Variants in MAPK9 observed in about 807,000 individuals in gnomAD.
MAPK9 encodes the protein Jun kinase.
Under a neutral mutation model 57.1 loss-of-function variants are expected in MAPK9, and 30 were observed. The ratio of observed to expected loss-of-function variants is 0.53; its 90% CI spans 0.39 to 0.71. The LOEUF (loss-of-function observed/expected upper bound fraction) is 0.71. Among genes scored for constraint, MAPK9 ranks in the 30% least tolerant of loss-of-function variants. MAPK9 has a pLI of 0.00. For synonymous variants in MAPK9, 155 were observed against 177.0 expected (o/e 0.88, Z 0.99); for missense variants, 362 against 521.0 (o/e 0.69, Z 2.97).
intron 5 of MAPK9, chr5:180,257,835 A>T (rs1345672490): frequency 5.8e-6 from 1 of 172,678 alleles, no homozygotes; most frequent in Non-Finnish European, 1.3e-5. Context: ...TGAAGAAGAA[A>T]ATTTCTGCTG....
chr5:180,235,733 T>C lies in MAPK9; in HGVS notation c.*651A>G, dbSNP rs572739615. 1.3e-5 allele frequency: 2 copies of C among 152,344 alleles called. No homozygotes were observed. The highest frequency in any genetic ancestry group is 3.9e-4 in the East Asian group (2 of 5,188). The allele number at this position is 152,344 out of a possible 1,614,324, so 9.4% of individuals were successfully genotyped here. ...AGAAAACAAGATGTCCACATAAGTG[T>C]CTTGGTTTTAGCCGTGATAATTCTC... On this transcript the variant is annotated 3_prime_UTR_variant, in exon 12 of 12. Coordinates refer to ENST00000452135, the MANE Select transcript of MAPK9 (RefSeq NM_002752.5).
intron 5 of MAPK9, among the ~76,000 whole-genome samples, chr5:180,249,433 G>A (rs912550659): frequency 3.3e-5 from 5 of 151,870 alleles, no homozygotes; most frequent in African/African-American, 9.7e-5. Flanking sequence ...GCATCTACAC[G>A]TCCAGCACAC....
chr5:180,283,094 G>A (rs774079925), intron 1 of MAPK9, among the ~76,000 whole-genome samples: 6 of 152,146 alleles, frequency 3.9e-5, no homozygotes, highest in Non-Finnish European at 7.3e-5. Flanking sequence ...GTGCGACACA[G>A]GCGCTGAGGT....
chr5:180,249,153 G>A lies in MAPK9; in HGVS notation c.451-15C>T, dbSNP rs1159143470. On this transcript the variant is annotated splice_polypyrimidine_tract_variant and intron_variant, in intron 5 of 11. Coordinates refer to ENST00000452135, the MANE Select transcript of MAPK9 (RefSeq NM_002752.5). ...GGCTTCAAATCCTAGGAAAGAAATG[G>A]CTTAAATTAGTAAAATGAATGAAGC... 2.5e-6 allele frequency: 4 copies of A among 1,596,608 alleles called. No homozygotes were observed. Among genetic ancestry groups the A allele is most frequent in the Non-Finnish European group, 1.7e-6 (2 of 1,170,692 alleles).
intron 5 of MAPK9, among the ~76,000 whole-genome samples, chr5:180,249,841 T>C (rs1015994138): frequency 6.6e-6 from 1 of 152,244 alleles, no homozygotes; most frequent in African/African-American, 2.4e-5. Flanking sequence ...TTTTTAGTAC[T>C]GAGCCTTTGA....
At chr5:180,273,050 G>A in intron 2 of MAPK9, among the ~76,000 whole-genome samples, 1 of 152,162 alleles carries the variant, frequency 6.6e-6, no homozygotes, top group Non-Finnish European at 1.5e-5. Flanking sequence ...CCAGCACTTG[G>A]TATCACCAAC....
Position 180,239,929 on chromosome 5 carries a change from C to A in MAPK9, c.1055G>T (p.Trp352Leu). The change falls in exon 10 of 12, where the codon TGG becomes TTG. Residue 352 changes from tryptophan to leucine, a missense_variant. Trp to Leu is a moderately conservative substitution (Grantham distance 61, BLOSUM62 -2). Coordinates refer to ENST00000452135, the MANE Select transcript of MAPK9 (RefSeq NM_002752.5). ...AAAATAAGCTCCATCTTTACCTTTC[C>A]ATTCTTCAATTGCATGTTCTCTTTC... ...LEEREHAIEE[W>L]KELIYKEVMD... 6.2e-7 allele frequency: 1 copy of A among 1,613,300 alleles called. No individual in the cohort carries two copies.
At chr5:180,281,325 T>C (rs1045611175) in intron 1 of MAPK9, among the ~76,000 whole-genome samples, 1 of 152,236 alleles carries the variant, frequency 6.6e-6, no homozygotes, top group Non-Finnish European at 1.5e-5. Flanking sequence ...GTCTATCCAC[T>C]ATGTCTGAGT....
At chr5:180,291,762 C>T (rs2127640131) in intron 1 of MAPK9, 86 bp downstream of exon 1, 1 of 149,354 alleles carries the variant, frequency 6.7e-6, no homozygotes, top group East Asian at 2.0e-4. Flanking sequence ...CCCCGAAGCC[C>T]CCGGCCGCGC....
At chr5:180,239,817 G>T in intron 10 of MAPK9, 107 bp downstream of exon 10, 1 of 1,064,002 alleles carries the variant, frequency 9.4e-7, no homozygotes, top group Non-Finnish European at 1.4e-6. Context: ...TGGGTCGCAG[G>T]GTTTCTTGCC....
chr5:180,279,688 A>C, intron 2 of MAPK9: 1 of 357,936 alleles, frequency 2.8e-6, no homozygotes. Context: ...TTGACCAAAA[A>C]AAAAGAAAAA....
chr5:180,244,480 C>T (rs1757915050), intron 7 of MAPK9, among the ~76,000 whole-genome samples: 1 of 152,022 alleles, frequency 6.6e-6, no homozygotes, highest in African/African-American at 2.4e-5. Flanking sequence ...CAAAAACTTC[C>T]ATAAAGAGCT....
At chr5:180,258,885 A>T (rs868136342) in intron 5 of MAPK9, among the ~76,000 whole-genome samples, 21 of 149,432 alleles carry the variant, frequency 1.4e-4, no homozygotes, top group Admixed American at 3.3e-4. Flanking sequence ...AAAAAAAAAA[A>T]TAGCCAAATT....
intron 3 of MAPK9, among the ~76,000 whole-genome samples, chr5:180,267,920 T>TG (rs1275817377): frequency 6.6e-6 from 1 of 152,166 alleles, no homozygotes; most frequent in Non-Finnish European, 1.5e-5. Context: ...TGGAGTGCAG[T>TG]GGTGCTATCT....
chr5:180,258,210 T>C (rs983439263), intron 5 of MAPK9: 2 of 152,216 alleles, frequency 1.3e-5, no homozygotes, highest in Non-Finnish European at 2.9e-5. Flanking sequence ...GAACTCACAG[T>C]GGGGAAAAAC....
chr5:180,282,113 A>G (rs1762365202), intron 1 of MAPK9, among the ~76,000 whole-genome samples: 1 of 152,044 alleles, frequency 6.6e-6, no homozygotes. Flanking sequence ...GGCATCTCAT[A>G]CTCCAAGGAC....
At chr5:180,251,192 G>A (rs577901396) in intron 5 of MAPK9, among the ~76,000 whole-genome samples, 2 of 152,272 alleles carry the variant, frequency 1.3e-5, no homozygotes, top group Non-Finnish European at 2.9e-5. Context: ...TGTGCAGTGG[G>A]CACTTTCTCT....
Position 180,291,330 on chromosome 5 carries a change from G to C in MAPK9, c.-48+518C>G, listed in dbSNP as rs188276588. Among the ~76,000 whole-genome samples, 1,152 of 151,506 alleles carry C rather than the reference G, an allele frequency of 7.6e-3. 14 individuals are homozygous for C. Among genetic ancestry groups the C allele is most frequent in the African/African-American group, 0.027 (1,094 of 41,156 alleles). On this transcript the variant is annotated intron_variant, in intron 1 of 11. Coordinates refer to ENST00000452135, the MANE Select transcript of MAPK9 (RefSeq NM_002752.5). ...GCGGGAGGCTGGGCGGGTGGGGAGG[G>C]GGTTCCTACACCACTCACACCAGCA...
At chr5:180,275,786 C>T (rs1365873106) in intron 2 of MAPK9, among the ~76,000 whole-genome samples, 4 of 152,228 alleles carry the variant, frequency 2.6e-5, no homozygotes, top group African/African-American at 9.6e-5. Flanking sequence ...CATCTCTATG[C>T]CCACAGCCTC....
Sources: gnomAD v4.1 joint callset for allele counts (sites outside exome capture counted in the v4.1 genomes callset) on GRCh38, gnomAD v4.1.1 for gene constraint, MANE v1.5 for transcripts, NCBI Gene and HGNC (gene_info 2026-07-23, HGNC 2026-07-21) for gene names.